BCL2: variants seen among roughly 807,000 people sequenced by gnomAD.
The protein encoded by BCL2 is BCL2 apoptosis regulator.
A neutral mutation model predicts 14.2 loss-of-function variants in BCL2; 1 was observed. The observed-to-expected ratio is 0.07, with a 90% CI of 0.02 to 0.33. The LOEUF (loss-of-function observed/expected upper bound fraction) is 0.33. BCL2 is among the 10% of genes least tolerant of loss of function. The pLI is 0.99. For synonymous variants in BCL2, 151 were observed against 137.2 expected, an observed-to-expected ratio of 1.10 and a Z score of -0.70; for missense variants, 247 against 305.9, an observed-to-expected ratio of 0.81 and a Z score of 1.44.
At chr18:63,136,512 CAA>C (rs1914209567) in intron 2 of BCL2, among the ~76,000 whole-genome samples, 1 of 152,136 alleles carries the variant, frequency 6.6e-6, no homozygotes, top group Non-Finnish European at 1.5e-5. Context: ...GACCCTAAGA[CAA>C]AGATTTGAGT....
chr18:63,149,045 T>A lies in BCL2; in HGVS notation c.586-20286A>T, dbSNP rs1165866601. ...AACGGGCCTGCCCAGAGCCACGAAGTCATAAGTGTGCATGGAGCAGCGACG... is the reference window on the plus strand; with the variant it reads ...AACGGGCCTGCCCAGAGCCACGAAGACATAAGTGTGCATGGAGCAGCGACG... On this transcript the variant is annotated intron_variant, in intron 2 of 2. Transcript: ENST00000333681. This position sits in a 1 kb window ranked among gnomAD's most constrained non-coding sequence, Gnocchi z 4.2. Among the ~76,000 whole-genome samples, 1 of 152,180 alleles carries A rather than the reference T, an allele frequency of 6.6e-6. No individual in the cohort carries two copies. The highest frequency in any genetic ancestry group is 2.4e-5 in the African/African-American group (1 of 41,450).
intron 2 of BCL2, among the ~76,000 whole-genome samples, chr18:63,225,089 T>G (rs1401808624): frequency 2.0e-5 from 3 of 151,676 alleles, no homozygotes; most frequent in African/African-American, 7.3e-5. Flanking sequence ...ATCAGCTTTG[T>G]GGAAAAAGGT....
chr18:63,193,071 C>T (rs990737583), intron 2 of BCL2, among the ~76,000 whole-genome samples: 1 of 152,040 alleles, frequency 6.6e-6, no homozygotes, highest in Admixed American at 6.6e-5. Flanking sequence ...AGTTCTCAGC[C>T]AAATGAAAGG....
chr18:63,227,920 G>A (rs764989819), intron 2 of BCL2, among the ~76,000 whole-genome samples: 5 of 152,238 alleles, frequency 3.3e-5, no homozygotes, highest in Non-Finnish European at 4.4e-5. Flanking sequence ...AAATGCCACA[G>A]ACCAGGTGTC....
intron 2 of BCL2, among the ~76,000 whole-genome samples, chr18:63,267,605 A>G (rs1021545020): frequency 5.9e-5 from 9 of 152,176 alleles, no homozygotes; most frequent in African/African-American, 1.9e-4. Flanking sequence ...AAATTTGTTG[A>G]GGTTGAAACA....
At chr18:63,243,735 A>AC (rs1911077947) in intron 2 of BCL2, among the ~76,000 whole-genome samples, 2 of 152,176 alleles carry the variant, frequency 1.3e-5, no homozygotes, top group African/African-American at 4.8e-5. Context: ...TGTTTACAGA[A>AC]CACAAACCAA....
chr18:63,135,304 A>T (rs949702630), intron 2 of BCL2, among the ~76,000 whole-genome samples: 5 of 152,034 alleles, frequency 3.3e-5, no homozygotes, highest in African/African-American at 1.2e-4. Context: ...CCCAACTTGG[A>T]CTCCAGCCCA....
At chr18:63,230,205 G>A (rs953763521) in intron 2 of BCL2, among the ~76,000 whole-genome samples, 1 of 152,070 alleles carries the variant, frequency 6.6e-6, no homozygotes, top group African/African-American at 2.4e-5. Flanking sequence ...AATTGAGATA[G>A]ATAAAACCAC....
At chr18:63,260,916 A>G (rs1318857155) in intron 2 of BCL2, among the ~76,000 whole-genome samples, 1 of 152,254 alleles carries the variant, frequency 6.6e-6, no homozygotes, top group Non-Finnish European at 1.5e-5. Context: ...AACAGCACCC[A>G]TAATATGTTA....
At chr18:63,142,098 A>G (rs987125440) in intron 2 of BCL2, among the ~76,000 whole-genome samples, 1 of 152,140 alleles carries the variant, frequency 6.6e-6, no homozygotes, top group Non-Finnish European at 1.5e-5. Context: ...GGCCAGAGTT[A>G]GGGGCCAAAT....
chr18:63,280,327 T>C (rs1229313708), intron 2 of BCL2, among the ~76,000 whole-genome samples: 1 of 152,216 alleles, frequency 6.6e-6, no homozygotes, highest in Non-Finnish European at 1.5e-5. Flanking sequence ...ATAATATCTA[T>C]TTCTCAGGGT....
intron 2 of BCL2, among the ~76,000 whole-genome samples, chr18:63,265,485 C>T (rs1445216784): frequency 6.6e-6 from 1 of 152,140 alleles, no homozygotes; most frequent in Non-Finnish European, 1.5e-5. Flanking sequence ...GTTTTCTCAG[C>T]GATTACACTC....
chr18:63,291,908 A>T (rs1262390145), intron 2 of BCL2, among the ~76,000 whole-genome samples: 4 of 152,136 alleles, frequency 2.6e-5, no homozygotes. Context: ...TTGGGGAAAC[A>T]GTTAGAAGAT....
chr18:63,268,375 C>T (rs751505980), intron 2 of BCL2, among the ~76,000 whole-genome samples: 22 of 152,122 alleles, frequency 1.4e-4, no homozygotes, highest in Non-Finnish European at 7.4e-5. Flanking sequence ...TCTTCCACTA[C>T]AAAAAAAGTG....
chr18:63,141,572 G>T (rs1011715522), intron 2 of BCL2, among the ~76,000 whole-genome samples: 30 of 152,232 alleles, frequency 2.0e-4, no homozygotes, highest in African/African-American at 6.3e-4. Flanking sequence ...GGTGACATCA[G>T]TGTGGCTTAA....
intron 2 of BCL2, among the ~76,000 whole-genome samples, chr18:63,292,189 A>G (rs1480070000): frequency 1.3e-5 from 2 of 151,000 alleles, no homozygotes; most frequent in Non-Finnish European, 2.9e-5. Context: ...GGAAGGATTC[A>G]TCACAAACTC....
intron 2 of BCL2, among the ~76,000 whole-genome samples, chr18:63,146,793 G>A (rs1365189730): frequency 6.6e-6 from 1 of 152,006 alleles, no homozygotes; most frequent in African/African-American, 2.4e-5. Flanking sequence ...CACGCCTGGT[G>A]GGTTTTAAGA....
chr18:63,178,899 CAAAA>C (rs111876869), intron 2 of BCL2, among the ~76,000 whole-genome samples: 7 of 132,904 alleles, frequency 5.3e-5, no homozygotes, highest in Admixed American at 1.5e-4. Context: ...GGGTTCAAGG[CAAAA>C]AAAAAAAAAA....
chr18:63,163,363 TCA>T (rs1461070240), intron 2 of BCL2, among the ~76,000 whole-genome samples: 2 of 152,338 alleles, frequency 1.3e-5, no homozygotes, highest in African/African-American at 4.8e-5. Flanking sequence ...ACCTAATATA[TCA>T]CTTCTTATAT....
Sources: gnomAD v4.1 joint callset for allele counts (sites outside exome capture counted in the v4.1 genomes callset) on GRCh38, gnomAD v4.1.1 for gene constraint, Gnocchi (gnomAD v3.1) non-coding constraint, MANE v1.5 for transcripts, NCBI Gene and HGNC (gene_info 2026-07-23, HGNC 2026-07-21) for gene names.